Variants in MYLK4 observed in about 807,000 individuals in gnomAD.
MYLK4 encodes caMLCK like.
Under a neutral mutation model 48.1 loss-of-function variants are expected in MYLK4, and 46 were observed. The observed-to-expected ratio is 0.96, with a 90% CI of 0.75 to 1.22. MYLK4 has a LOEUF of 1.22. Among genes scored for constraint, MYLK4 ranks in the 50% most tolerant of loss-of-function variants. The pLI, the probability that MYLK4 is intolerant of heterozygous loss-of-function variation, is 0.00. For missense variants in MYLK4, 451 were observed against 486.1 expected, an observed-to-expected ratio of 0.93 and a Z score of 0.68; for synonymous variants, 170 against 180.8, an observed-to-expected ratio of 0.94 and a Z score of 0.48.
intron 2 of MYLK4, among the ~76,000 whole-genome samples, chr6:2,709,954 A>G (rs1762617884): frequency 6.6e-6 from 1 of 152,242 alleles, no homozygotes; most frequent in Non-Finnish European, 1.5e-5. Context: ...ACTTGAATAT[A>G]TATTTTATTA....
At chr6:2,706,787 T>C (rs2099833069) in intron 2 of MYLK4, among the ~76,000 whole-genome samples, 2 of 152,278 alleles carry the variant, frequency 1.3e-5, no homozygotes, top group African/African-American at 2.4e-5. Context: ...ACGGAGAACA[T>C]GCTAAACTAC....
chr6:2,756,333 G>T, the MYLK4 span, among the ~76,000 whole-genome samples: 25 of 152,106 alleles, frequency 1.6e-4, no homozygotes, highest in African/African-American at 6.0e-4. Flanking sequence ...ATTGGCCAAC[G>T]GAAGTGCCTT....
At chr6:2,687,820 C>T (rs903236016) in intron 4 of MYLK4, among the ~76,000 whole-genome samples, 17 of 152,198 alleles carry the variant, frequency 1.1e-4, no homozygotes, top group African/African-American at 3.6e-4. Flanking sequence ...AGTAGCGATG[C>T]GTGCTTTCCT....
intron 2 of MYLK4, among the ~76,000 whole-genome samples, chr6:2,703,662 A>ATTTTT (rs759946900): frequency 2.7e-4 from 17 of 62,112 alleles, no homozygotes; most frequent in African/African-American, 9.2e-4. Flanking sequence ...CCCTTTGTGA[A>ATTTTT]TTCTTTTTTT....
intron 8 of MYLK4, among the ~76,000 whole-genome samples, chr6:2,679,823 C>G (rs945627079): frequency 6.6e-6 from 1 of 152,160 alleles, no homozygotes. Flanking sequence ...TTAATGTGTC[C>G]ACGTAAACTC....
chr6:2,671,840 A>C (rs1323109273), intron 11 of MYLK4, among the ~76,000 whole-genome samples: 4 of 152,216 alleles, frequency 2.6e-5, no homozygotes, highest in Non-Finnish European at 5.9e-5. Flanking sequence ...TGGGGCATTT[A>C]ATACAGGCCT....
chr6:2,718,933 T>C (rs1318246040), intron 2 of MYLK4, among the ~76,000 whole-genome samples: 1 of 152,244 alleles, frequency 6.6e-6, no homozygotes, highest in Non-Finnish European at 1.5e-5. Context: ...TAGATATGGC[T>C]AGAAGTCACG....
chr6:2,751,416 A>G (rs1434009974), upstream of MYLK4, among the ~76,000 whole-genome samples: 1 of 152,226 alleles, frequency 6.6e-6, no homozygotes, highest in Non-Finnish European at 1.5e-5. Context: ...AGCTCTAGGG[A>G]AAGGTCAAAG....
At chr6:2,683,223 T>C in intron 6 of MYLK4, 61 bp from the exon 7 acceptor site, 3 of 1,591,552 alleles carry the variant, frequency 1.9e-6, no homozygotes, top group Non-Finnish European at 8.6e-7. Context: ...TGTGCTTTTC[T>C]CGTAGTGACT....
intron 9 of MYLK4, 128 bp from the exon 10 acceptor site, chr6:2,678,500 T>G: frequency 2.0e-6 from 2 of 1,019,342 alleles, no homozygotes; most frequent in Non-Finnish European, 2.8e-6. Context: ...AAGCATAATT[T>G]TATAACATAT....
chr6:2,736,026 G>C lies in MYLK4; in HGVS notation c.159+13110C>G, dbSNP rs146577859. 1.6e-3 allele frequency among the ~76,000 whole-genome samples: 240 copies of C among 152,214 alleles called. 1 individual carries two copies. Among genetic ancestry groups the C allele is most frequent in the African/African-American group, 5.7e-3 (236 of 41,510 alleles). On this transcript the variant is annotated intron_variant, in intron 2 of 12. Transcript: ENST00000274643. The stretch of plus-strand genomic sequence containing the variant: ...GTGGTCTCCAAGGGGATTTGAATTT[G>C]GGCCTGTTTGATATCAAAGTCCATC...
intron 2 of MYLK4, among the ~76,000 whole-genome samples, chr6:2,704,295 T>C (rs1156298493): frequency 6.6e-6 from 1 of 152,206 alleles, no homozygotes; most frequent in Non-Finnish European, 1.5e-5. Flanking sequence ...CACTTTGATG[T>C]CCAGCTCCCA....
chr6:2,683,389 TTTTGTGTGTG>T (rs1019197633), intron 6 of MYLK4, among the ~76,000 whole-genome samples: 8 of 102,030 alleles, frequency 7.8e-5, no homozygotes, highest in African/African-American at 3.2e-4. Context: ...CTCCCCACCT[TTTTGTGTGTG>T]TGTGTGTGTG....
rs1372800855 is a variant in MYLK4, at chr6:2,737,972, G to T, written c.159+11164C>A. On this transcript the variant is annotated intron_variant, in intron 2 of 12. Transcript: ENST00000274643. ...ACAACTCTGCTGGGGGTGGGGTGCC[G>T]GGGGCGGGTGGGGGGGGGGTGGTCA... Among the ~76,000 whole-genome samples the T allele has an allele frequency of 2.1e-3, 189 of 88,134 alleles. 6 individuals carry two copies. Among genetic ancestry groups the T allele is most frequent in the African/African-American group, 7.0e-3 (176 of 25,290 alleles). The allele number at this position is 88,134 out of a possible 152,430, so 57.8% of individuals were successfully genotyped here. A position where few individuals can be genotyped will look rare whatever the true frequency, so the allele number is the denominator to read the frequency against.
At chr6:2,738,824 A>G (rs922503961) in intron 2 of MYLK4, among the ~76,000 whole-genome samples, 6 of 152,254 alleles carry the variant, frequency 3.9e-5, no homozygotes, top group African/African-American at 1.4e-4. Flanking sequence ...TTAGGTTACT[A>G]TAACAGTAGA....
At chr6:2,713,966 C>T (rs190560717) in intron 2 of MYLK4, among the ~76,000 whole-genome samples, 1 of 152,250 alleles carries the variant, frequency 6.6e-6, no homozygotes, top group African/African-American at 2.4e-5. Flanking sequence ...CACCTTATAC[C>T]CATTAGGATG....
Position 2,667,644 on chromosome 6 carries a change from T to A in MYLK4, c.*281A>T, listed in dbSNP as rs566686701. The A allele has an allele frequency of 6.6e-6, 1 of 152,554 alleles. No homozygotes were observed. Among genetic ancestry groups the A allele is most frequent in the Non-Finnish European group, 1.5e-5 (1 of 68,014 alleles). The allele number at this position is 152,554 out of a possible 1,614,324, so 9.5% of individuals were successfully genotyped here. On this transcript the variant is annotated 3_prime_UTR_variant, in exon 13 of 13. Coordinates refer to ENST00000274643, the MANE Select transcript of MYLK4 (RefSeq NM_001012418.5). ...AGATCAAAAAATTTTTTTAAAAAAG[T>A]AAAAAATCTCAAGATGGCAGGGAAA...
chr6:2,738,655 T>C (rs1763785882), intron 2 of MYLK4, among the ~76,000 whole-genome samples: 2 of 152,242 alleles, frequency 1.3e-5, no homozygotes, highest in Non-Finnish European at 2.9e-5. Context: ...TTTTCATCTA[T>C]CTAGGCTGGC....
chr6:2,706,856 G>A (rs978525963), intron 2 of MYLK4, among the ~76,000 whole-genome samples: 1 of 152,214 alleles, frequency 6.6e-6, no homozygotes, highest in African/African-American at 2.4e-5. Context: ...GGCCTCTGCA[G>A]CAGAAACACA....
Sources: gnomAD v4.1 joint callset for allele counts (sites outside exome capture counted in the v4.1 genomes callset) on GRCh38, gnomAD v4.1.1 for gene constraint, MANE v1.5 for transcripts, NCBI Gene and HGNC (gene_info 2026-07-23, HGNC 2026-07-21) for gene names.